Variants in DYRK1A observed in about 807,000 individuals in gnomAD.
The protein encoded by DYRK1A is dual specificity tyrosine-phosphorylation-regulated kinase 1A.
A neutral mutation model predicts 79.7 loss-of-function variants in DYRK1A; 9 were observed. The ratio of observed to expected loss-of-function variants is 0.11; its 90% CI spans 0.07 to 0.20. DYRK1A has a LOEUF of 0.20. Among genes scored for constraint, DYRK1A ranks in the 10% least tolerant of loss-of-function variants. DYRK1A has a pLI of 1.00. For missense variants in DYRK1A, 622 were observed against 956.0 expected, an observed-to-expected ratio of 0.65 and a Z score of 4.61; for synonymous variants, 349 against 329.7, an observed-to-expected ratio of 1.06 and a Z score of -0.63.
upstream of DYRK1A, chr21:37,365,807 A>C (rs142807657): frequency 2.6e-3 from 394 of 152,640 alleles, 1 homozygote; most frequent in Middle Eastern, 0.01. Context: ...GGGCATTCCG[A>C]TGGAGCAGGC....
intron 2 of DYRK1A, among the ~76,000 whole-genome samples, chr21:37,449,482 C>T (rs1198277227): frequency 3.9e-5 from 6 of 152,122 alleles, no homozygotes; most frequent in Non-Finnish European, 7.4e-5. Flanking sequence ...GGTTTTCACA[C>T]GCAATTTTTA....
intron 2 of DYRK1A, among the ~76,000 whole-genome samples, chr21:37,451,526 G>A (rs1334892349): frequency 1.3e-5 from 2 of 151,966 alleles, no homozygotes; most frequent in African/African-American, 4.8e-5. Flanking sequence ...TATTCAGCAC[G>A]GCTGAACAGG....
rs145621609 is a variant in DYRK1A at position 37,480,702 on chromosome 21, A to G, written c.365A>G (p.Lys122Arg). ...CAGGGAGACGATTCTAGTCATAAGAAGGAACGGAAGGTTTACAATGATGGT... is the reference window on the plus strand; with the variant it reads ...CAGGGAGACGATTCTAGTCATAAGAGGGAACGGAAGGTTTACAATGATGGT... Reference protein sequence around the residue: ...QGQGDDSSHKKERKVYNDGYD... With the variant: ...QGQGDDSSHKRERKVYNDGYD... The change falls in exon 5 of 12, where the codon AAG becomes AGG. Residue 122 changes from lysine to arginine, a missense_variant. Physicochemically the swap from Lys to Arg is conservative, Grantham distance 26. Coordinates refer to ENST00000647188, the MANE Select transcript of DYRK1A (RefSeq NM_001347721.2). The G allele has an allele frequency of 6.2e-7, 1 of 1,612,752 alleles. No homozygotes were observed. Among genetic ancestry groups the G allele is most frequent in the Non-Finnish European group, 8.5e-7 (1 of 1,179,542 alleles).
chr21:37,496,304 A>G (rs1490346779), intron 9 of DYRK1A, 46 bp downstream of exon 9: 1 of 1,562,864 alleles, frequency 6.4e-7, no homozygotes, highest in African/African-American at 1.4e-5. Flanking sequence ...AAATTTCTTT[A>G]TCATACCTGT....
intron 1 of DYRK1A, among the ~76,000 whole-genome samples, chr21:37,381,215 G>A (rs1442329574): frequency 1.3e-5 from 2 of 152,172 alleles, no homozygotes; most frequent in Non-Finnish European, 2.9e-5. Flanking sequence ...AAAACCTACA[G>A]TAGGAAGATG....
intron 2 of DYRK1A, among the ~76,000 whole-genome samples, chr21:37,432,484 T>TGA (rs1351335396): frequency 2.0e-5 from 3 of 152,222 alleles, no homozygotes. Context: ...CTTTAGAGAA[T>TGA]GAGGTATTAA....
At chr21:37,443,032 C>CG (rs1193272069) in intron 2 of DYRK1A, among the ~76,000 whole-genome samples, 1 of 152,102 alleles carries the variant, frequency 6.6e-6, no homozygotes, top group Non-Finnish European at 1.5e-5. Flanking sequence ...GAAACGAAGT[C>CG]TCTTGGTGTT....
chr21:37,490,081 G>C (rs777584450), intron 6 of DYRK1A, 94 bp from the exon 7 acceptor site: 1 of 1,245,454 alleles, frequency 8.0e-7, no homozygotes, highest in Non-Finnish European at 1.1e-6. Flanking sequence ...TGCATTTGAT[G>C]TAATAATGTT....
At chr21:37,467,589 T>A (rs1213962856) in intron 2 of DYRK1A, among the ~76,000 whole-genome samples, 1 of 152,144 alleles carries the variant, frequency 6.6e-6, no homozygotes, top group Non-Finnish European at 1.5e-5. Context: ...ATCAACAGAG[T>A]AAATCAGAAA....
At chr21:37,437,566 C>T (rs1756211210) in intron 2 of DYRK1A, among the ~76,000 whole-genome samples, 1 of 152,152 alleles carries the variant, frequency 6.6e-6, no homozygotes, top group Admixed American at 6.5e-5. Flanking sequence ...TACCACAAGT[C>T]AGATAATGAA....
intron 11 of DYRK1A, among the ~76,000 whole-genome samples, chr21:37,511,559 A>G (rs1219106165): frequency 6.6e-6 from 1 of 152,122 alleles, no homozygotes; most frequent in Non-Finnish European, 1.5e-5. Flanking sequence ...CATGAGGGAA[A>G]AGTAAAGACT....
intron 5 of DYRK1A, among the ~76,000 whole-genome samples, chr21:37,483,983 G>T (rs2052754484): frequency 6.6e-6 from 1 of 152,148 alleles, no homozygotes; most frequent in Non-Finnish European, 1.5e-5. Context: ...TTAACTAAGG[G>T]TGTGAATACC....
At chr21:37,369,879 T>C (rs1383078638) in intron 1 of DYRK1A, among the ~76,000 whole-genome samples, 2 of 152,256 alleles carry the variant, frequency 1.3e-5, no homozygotes, top group Non-Finnish European at 2.9e-5. Flanking sequence ...CACATTATTG[T>C]GTGCAAGATA....
At chr21:37,384,306 C>G (rs930005577) in intron 1 of DYRK1A, among the ~76,000 whole-genome samples, 11 of 152,010 alleles carry the variant, frequency 7.2e-5, no homozygotes, top group Non-Finnish European at 1.3e-4. Context: ...TGAAGTTTCA[C>G]AAAAGAACAG....
intron 7 of DYRK1A, 43 bp downstream of exon 7, chr21:37,490,504 T>C (rs763717952): frequency 1.3e-6 from 2 of 1,570,870 alleles, no homozygotes; most frequent in African/African-American, 2.7e-5. Context: ...AGAAATTAAA[T>C]AGAAGTAGGT....
At chr21:37,441,010 T>G (rs930664043) in intron 2 of DYRK1A, among the ~76,000 whole-genome samples, 1 of 152,174 alleles carries the variant, frequency 6.6e-6, no homozygotes, top group African/African-American at 2.4e-5. Context: ...TGAAATCTCT[T>G]AATATAATTG....
intron 2 of DYRK1A, among the ~76,000 whole-genome samples, chr21:37,452,640 A>G (rs2051491762): frequency 1.3e-5 from 2 of 152,090 alleles, no homozygotes; most frequent in Non-Finnish European, 2.9e-5. Flanking sequence ...CTTCCCTGTC[A>G]TAGGAGATGG....
At chr21:37,433,087 G>C (rs2050825371) in intron 2 of DYRK1A, among the ~76,000 whole-genome samples, 1 of 148,692 alleles carries the variant, frequency 6.7e-6, no homozygotes, top group African/African-American at 2.5e-5. Flanking sequence ...TTTTAGTTTA[G>C]TAAGTTAACT....
intron 9 of DYRK1A, among the ~76,000 whole-genome samples, chr21:37,500,752 TC>T (rs2053417880): frequency 6.6e-6 from 1 of 152,008 alleles, no homozygotes; most frequent in African/African-American, 2.4e-5. Flanking sequence ...CGTAAACTTA[TC>T]AATAATATTT....
Sources: gnomAD v4.1 joint callset for allele counts (sites outside exome capture counted in the v4.1 genomes callset) on GRCh38, gnomAD v4.1.1 for gene constraint, MANE v1.5 for transcripts, NCBI Gene and HGNC (gene_info 2026-07-23, HGNC 2026-07-21) for gene names.